The following GRID1 variants were observed in gnomAD, a reference collection of about 807,000 sequenced individuals.
The protein encoded by GRID1 is glutamate receptor ionotropic, delta-1.
A neutral mutation model predicts 98.0 loss-of-function variants in GRID1; 28 were observed. The ratio of observed to expected loss-of-function variants is 0.29; its 90% CI spans 0.21 to 0.39. The LOEUF is 0.39. Among genes scored for constraint, GRID1 ranks in the 10% least tolerant of loss-of-function variants. GRID1 has a pLI of 1.00. For synonymous variants in GRID1, 553 were observed against 538.5 expected (o/e 1.03, Z -0.37); for missense variants, 1,111 against 1,340.5 (o/e 0.83, Z 2.67).
intron 4 of GRID1, among the ~76,000 whole-genome samples, chr10:85,999,499 A>G (rs1393635133): frequency 6.6e-6 from 1 of 152,184 alleles, no homozygotes; most frequent in Non-Finnish European, 1.5e-5. Context: ...AAAACCAAGG[A>G]CAGTACAAAA....
chr10:86,114,952 T>C (rs1427091624), intron 4 of GRID1, among the ~76,000 whole-genome samples: 1 of 152,124 alleles, frequency 6.6e-6, no homozygotes, highest in Non-Finnish European at 1.5e-5. Flanking sequence ...AATCCACCTC[T>C]CTCCCTGCCT....
At chr10:86,144,540 G>T (rs753223473) in intron 3 of GRID1, among the ~76,000 whole-genome samples, 1 of 152,058 alleles carries the variant, frequency 6.6e-6, no homozygotes, top group Non-Finnish European at 1.5e-5. Context: ...CCGGCCGCTC[G>T]CCCTCTCCCC....
At chr10:85,930,281 GCGGTTATTTATAACT>G (rs1330847689) in intron 4 of GRID1, among the ~76,000 whole-genome samples, 2 of 124,748 alleles carry the variant, frequency 1.6e-5, no homozygotes, top group African/African-American at 6.8e-5. Flanking sequence ...CAAATAACTT[GCGGTTATTTATAACT>G]ACAAATAACT....
chr10:86,005,424 C>T (rs1842849322), intron 4 of GRID1, among the ~76,000 whole-genome samples: 1 of 151,828 alleles, frequency 6.6e-6, no homozygotes, highest in Non-Finnish European at 1.5e-5. Context: ...AGATCATGAG[C>T]AAGGGTAAAT....
At chr10:86,250,699 G>A (rs931222522) in intron 2 of GRID1, among the ~76,000 whole-genome samples, 11 of 151,642 alleles carry the variant, frequency 7.3e-5, no homozygotes, top group East Asian at 2.0e-4. Context: ...GACAGCCCCC[G>A]CCCAGCCGCC....
At chr10:85,894,593 C>A (rs1011478776) in intron 5 of GRID1, among the ~76,000 whole-genome samples, 1 of 152,130 alleles carries the variant, frequency 6.6e-6, no homozygotes, top group Non-Finnish European at 1.5e-5. Flanking sequence ...AACTCCAAGT[C>A]GTACTTATCA....
At chr10:85,990,040 C>T (rs925259927) in intron 4 of GRID1, among the ~76,000 whole-genome samples, 1 of 152,200 alleles carries the variant, frequency 6.6e-6, no homozygotes, top group African/African-American at 2.4e-5. Context: ...TCTGTCTGCA[C>T]TTGGATCTAG....
At chr10:85,845,728 C>T (rs1428955564) in intron 8 of GRID1, among the ~76,000 whole-genome samples, 3 of 152,118 alleles carry the variant, frequency 2.0e-5, no homozygotes, top group African/African-American at 7.2e-5. Flanking sequence ...TGGCAGTCGT[C>T]CCCTGATTTG....
chr10:85,629,039 C>T (rs1842943647), intron 13 of GRID1, among the ~76,000 whole-genome samples: 1 of 152,074 alleles, frequency 6.6e-6, no homozygotes, highest in African/African-American at 2.4e-5. Flanking sequence ...CAGGCTACAA[C>T]AGTAGGACAT....
intron 4 of GRID1, among the ~76,000 whole-genome samples, chr10:86,024,470 T>G (rs1843090466): frequency 6.6e-6 from 1 of 152,178 alleles, no homozygotes; most frequent in African/African-American, 2.4e-5. Context: ...CAACTTCAAT[T>G]GGCCTAAAAT....
chr10:85,726,131 G>C (rs1841757683), intron 10 of GRID1, among the ~76,000 whole-genome samples: 1 of 152,186 alleles, frequency 6.6e-6, no homozygotes, highest in African/African-American at 2.4e-5. Flanking sequence ...ACTCCCTTCT[G>C]TGGGAGATGG....
At chr10:86,073,251 C>T (rs928209695) in intron 4 of GRID1, among the ~76,000 whole-genome samples, 16 of 152,210 alleles carry the variant, frequency 1.1e-4, no homozygotes, top group Non-Finnish European at 2.4e-4. Flanking sequence ...CCTTTCTCTC[C>T]AACAGAGCAC....
chr10:86,167,164 C>T (rs1845411297), intron 3 of GRID1, among the ~76,000 whole-genome samples: 1 of 152,230 alleles, frequency 6.6e-6, no homozygotes, highest in South Asian at 2.1e-4. Flanking sequence ...TCTGAGAGCA[C>T]TGATCTATTG....
At chr10:86,236,321 C>A (rs1410521217) in intron 2 of GRID1, among the ~76,000 whole-genome samples, 2 of 152,170 alleles carry the variant, frequency 1.3e-5, no homozygotes, top group Non-Finnish European at 2.9e-5. Flanking sequence ...CGTTTTTTCT[C>A]TTAGGCAATA....
At chr10:86,305,150 T>C (rs940509797) in intron 2 of GRID1, among the ~76,000 whole-genome samples, 3 of 151,750 alleles carry the variant, frequency 2.0e-5, no homozygotes, top group Non-Finnish European at 4.4e-5. Flanking sequence ...AAGAAAGAAT[T>C]CTGCCCTAGA....
chr10:86,188,455 C>T (rs1845755276), intron 3 of GRID1, among the ~76,000 whole-genome samples: 2 of 152,200 alleles, frequency 1.3e-5, no homozygotes, highest in Non-Finnish European at 2.9e-5. Context: ...TTCCATTCTG[C>T]CAAGCTACCC....
At chr10:85,985,618 G>A (rs1842600035) in intron 4 of GRID1, among the ~76,000 whole-genome samples, 1 of 152,314 alleles carries the variant, frequency 6.6e-6, no homozygotes, top group African/African-American at 2.4e-5. Context: ...GCCTCTCAGT[G>A]CCTAAGGAGC....
intron 4 of GRID1, among the ~76,000 whole-genome samples, chr10:85,957,209 A>G (rs979331439): frequency 9.2e-5 from 14 of 152,202 alleles, no homozygotes; most frequent in African/African-American, 3.4e-4. Flanking sequence ...AGATTTGGGT[A>G]AGGACACAGA....
At chr10:86,245,093 C>G (rs1846702140) in intron 2 of GRID1, among the ~76,000 whole-genome samples, 1 of 152,228 alleles carries the variant, frequency 6.6e-6, no homozygotes, top group Non-Finnish European at 1.5e-5. Flanking sequence ...GGCGGGGGAC[C>G]TTAGGCACTA....
Sources: allele counts gnomAD v4.1 joint callset (sites outside exome capture counted in the v4.1 genomes callset), GRCh38; gene constraint gnomAD v4.1.1; transcripts MANE v1.5; gene names NCBI Gene and HGNC (gene_info 2026-07-23, HGNC 2026-07-21).